The following THADA variants were observed in gnomAD, a reference collection of about 807,000 sequenced individuals.
THADA encodes tRNA (32-2'-O)-methyltransferase regulator THADA.
Under a neutral mutation model 219.8 loss-of-function variants are expected in THADA, and 213 were observed. That is an observed-to-expected ratio of 0.97 (90% confidence interval 0.87 to 1.09). The LOEUF is 1.09. Among genes scored for constraint, THADA ranks in the 50% least tolerant of loss-of-function variants. The probability of loss-of-function intolerance (pLI) is 0.00; values close to 1 mark genes in which losing one functional copy is unlikely to be tolerated. For missense variants in THADA, 2,956 were observed against 2,311.3 expected (o/e 1.28, Z -5.72); for synonymous variants, 1,018 against 828.9 (o/e 1.23, Z -3.92).
At chr2:43,326,165 CA>C (rs57917515) in intron 30 of THADA, among the ~76,000 whole-genome samples, 22,479 of 110,748 alleles carry the variant, frequency 0.2, 1,715 homozygotes, top group Middle Eastern at 0.3. Flanking sequence ...CAATGTCTGT[CA>C]AAAAAAAAAA....
At chr2:43,581,133 T>C (rs1700396752) in intron 8 of THADA, among the ~76,000 whole-genome samples, 1 of 152,116 alleles carries the variant, frequency 6.6e-6, no homozygotes, top group African/African-American at 2.4e-5. Context: ...ATTATAATAA[T>C]AAACCACAGA....
chr2:43,314,858 C>A (rs1174907303), intron 31 of THADA, among the ~76,000 whole-genome samples: 1 of 152,168 alleles, frequency 6.6e-6, no homozygotes, highest in Non-Finnish European at 1.5e-5. Context: ...AACAAAACCC[C>A]CAGATTTGAA....
intron 22 of THADA, among the ~76,000 whole-genome samples, chr2:43,518,374 T>G (rs1009159945): frequency 6.6e-6 from 1 of 152,212 alleles, no homozygotes; most frequent in African/African-American, 2.4e-5. Context: ...CTTAGCTTCC[T>G]GTAACACGTA....
chr2:43,571,842 G>C lies in THADA; in HGVS notation c.1929C>G (p.Gly643=), dbSNP rs762460146. The C allele has an allele frequency of 1.2e-6, 2 of 1,613,672 alleles. No homozygotes were observed. The highest frequency in any genetic ancestry group is 1.3e-5 in the African/African-American group (1 of 74,898). The change falls in exon 13 of 38, where the codon GGC becomes GGG. Residue 643 remains glycine (G), a synonymous_variant. Transcript: ENST00000405975. ...TGCTCCGATTACTTTCACAAAGCAA[G>C]CCTAATGTATCTATCCTTACCTAAA... The part of the protein sequence containing the change: ...QHCQVRIDTL[G]LLCESNRSTE...
At chr2:43,507,038 C>T (rs1689763059) in intron 23 of THADA, among the ~76,000 whole-genome samples, 1 of 152,114 alleles carries the variant, frequency 6.6e-6, no homozygotes, top group Non-Finnish European at 1.5e-5. Context: ...AAGGTAAACT[C>T]ACAAACTAAG....
chr2:43,365,706 G>A (rs568393723), intron 29 of THADA, among the ~76,000 whole-genome samples: 24 of 152,076 alleles, frequency 1.6e-4, no homozygotes, highest in Non-Finnish European at 1.8e-4. Context: ...TACAGAAGTA[G>A]ATGATACCAG....
rs1160068066 is a variant in THADA, at chr2:43,383,775, A to T, written c.4227+14196T>A. Among the ~76,000 whole-genome samples, 3 of 152,166 alleles carry T rather than the reference A, an allele frequency of 2.0e-5. No individual in the cohort carries two copies. The South Asian group carries it at 6.2e-4, about 32-fold the overall frequency. ...AAACTGTGCCTGACCTCAGGAAATG[A>T]GTGCTTACTAACACTCCACAGCAAC... On this transcript the variant is annotated intron_variant, in intron 29 of 37. Coordinates refer to ENST00000405975, the MANE Select transcript of THADA (RefSeq NM_022065.5).
intron 36 of THADA, among the ~76,000 whole-genome samples, chr2:43,276,176 T>C (rs1672703673): frequency 6.6e-6 from 1 of 152,208 alleles, no homozygotes; most frequent in African/African-American, 2.4e-5. Context: ...CCTGGAAATG[T>C]CATTTCTTCC....
intron 26 of THADA, among the ~76,000 whole-genome samples, chr2:43,484,960 A>C (rs200726830): frequency 3.3e-5 from 5 of 151,928 alleles, no homozygotes; most frequent in Non-Finnish European, 7.4e-5. Context: ...AAAACAAAAA[A>C]AACACTAGCT....
chr2:43,591,038 T>C, intron 3 of THADA, 84 bp from the exon 4 acceptor site: 1 of 1,350,640 alleles, frequency 7.4e-7, no homozygotes. Flanking sequence ...GAAGTCTCAA[T>C]TGCTGGGTAC....
chr2:43,574,745 C>T lies in THADA; in HGVS notation c.1320G>A (p.Leu440=). The T allele has an allele frequency of 6.2e-7, 1 of 1,614,034 alleles. No individual in the cohort carries two copies. Among genetic ancestry groups the T allele is most frequent in the Non-Finnish European group, 8.5e-7 (1 of 1,179,900 alleles). The change falls in exon 11 of 38, where the codon TTG becomes TTA. Residue 440 remains leucine (L), a synonymous_variant. Transcript: ENST00000405975. ...DFVPDPFFVE[L]TESLLRLEWH... ...ATTCCAATCGTAAAAGACTCTCAGT[C>T]AATTCCACAAAGAAAGGATCAGGGA...
intron 19 of THADA, among the ~76,000 whole-genome samples, chr2:43,550,249 C>T (rs1195627005): frequency 1.3e-5 from 2 of 152,094 alleles, no homozygotes; most frequent in Non-Finnish European, 2.9e-5. Context: ...ATTAACAAAT[C>T]GAAGAACCGG....
At chr2:43,346,794 C>G (rs1206772715) in intron 29 of THADA, among the ~76,000 whole-genome samples, 1 of 152,202 alleles carries the variant, frequency 6.6e-6, no homozygotes, top group Non-Finnish European at 1.5e-5. Flanking sequence ...AAATCAATAG[C>G]TTTCCTGACT....
rs1445762223 is a variant in THADA at position 43,574,985 on chromosome 2, T to G, written c.1080A>C (p.Leu360Phe). ...PTLEMFLSRI[L>F]ASWTNSAIQV... ...GTATGGCTGAATTAGTCCAGGATGC[T>G]AAGATTCTAGACAGAAACATTTCCA... Residue 360 changes from leucine (L) to phenylalanine (F), a missense_variant, in exon 11 of 38, where the codon TTA (leucine) becomes TTC (phenylalanine). Transcript: ENST00000405975. 6.2e-7 allele frequency: 1 copy of G among 1,613,832 alleles called. No homozygotes were observed. The highest frequency in any genetic ancestry group is 1.7e-5 in the Admixed American group (1 of 59,992).
chr2:43,552,117 T>A, intron 18 of THADA, 87 bp downstream of exon 18: 2 of 1,535,504 alleles, frequency 1.3e-6, no homozygotes, highest in South Asian at 2.5e-5. Context: ...TAGACTGCAT[T>A]CCTTTCCCAG....
At chr2:43,473,488 CT>C (rs1220352059) in intron 26 of THADA, among the ~76,000 whole-genome samples, 2 of 151,446 alleles carry the variant, frequency 1.3e-5, no homozygotes, top group African/African-American at 4.8e-5. Flanking sequence ...TTACAGTTAA[CT>C]TTTTTTTTAA....
chr2:43,230,883 G>A lies in THADA; in HGVS notation c.*65C>T. On this transcript the variant is annotated 3_prime_UTR_variant, in exon 38 of 38. Coordinates refer to ENST00000405975, the MANE Select transcript of THADA (RefSeq NM_022065.5). ...AAATTTTTGAATTTATGTTCAACATGTTTCCTGCAGATTTAGTGGAGGAAA... is the reference window on the plus strand; with the variant it reads ...AAATTTTTGAATTTATGTTCAACATATTTCCTGCAGATTTAGTGGAGGAAA... 1 of 1,509,694 alleles carries A rather than the reference G, an allele frequency of 6.6e-7. No individual in the cohort carries two copies. The highest frequency in any genetic ancestry group is 8.9e-7 in the Non-Finnish European group (1 of 1,126,490). 93.5% of individuals were successfully genotyped at this position (1,509,694 alleles called of 1,614,324 possible). A position where few individuals can be genotyped will look rare whatever the true frequency, so the allele number is the denominator to read the frequency against.
chr2:43,262,973 C>T (rs1671128793), intron 36 of THADA, among the ~76,000 whole-genome samples: 1 of 152,214 alleles, frequency 6.6e-6, no homozygotes, highest in Non-Finnish European at 1.5e-5. Flanking sequence ...TCCCACTTTC[C>T]TCCTTACGCC....
At chr2:43,317,181 T>C (rs1678181000) in intron 31 of THADA, among the ~76,000 whole-genome samples, 1 of 152,220 alleles carries the variant, frequency 6.6e-6, no homozygotes, top group Non-Finnish European at 1.5e-5. Context: ...GTATACTTCC[T>C]ACTCTGGACT....
Sources: gnomAD v4.1 joint callset for allele counts (sites outside exome capture counted in the v4.1 genomes callset) on GRCh38, gnomAD v4.1.1 for gene constraint, MANE v1.5 for transcripts, NCBI Gene and HGNC (gene_info 2026-07-23, HGNC 2026-07-21) for gene names.